The following CASK variants were observed in gnomAD, a reference collection of about 807,000 sequenced individuals.
The protein encoded by CASK is calcium/calmodulin dependent serine protein kinase.
Under a neutral mutation model 82.9 loss-of-function variants are expected in CASK, and 4 were observed. The observed-to-expected ratio is 0.05, with a 90% confidence interval of 0.02 to 0.11. CASK has a LOEUF of 0.11. Among genes scored for constraint, CASK ranks in the 10% least tolerant of loss-of-function variants. The pLI, the probability that CASK is intolerant of heterozygous loss-of-function variation, is 1.00. For missense variants in CASK, 358 were observed against 720.9 expected (o/e 0.50, Z 5.76); for synonymous variants, 259 against 253.5 (o/e 1.02, Z -0.20).
At chrX:41,612,123 C>T (rs1445725076) in intron 11 of CASK, among the ~76,000 whole-genome samples, 2 of 112,128 alleles carry the variant, frequency 1.8e-5, no homozygotes, top group African/African-American at 3.2e-5. Flanking sequence ...GCCGCCACCC[C>T]GTCTGGGAAG....
chrX:41,875,560 C>G (rs2071798485), intron 1 of CASK, among the ~76,000 whole-genome samples: 1 of 110,450 alleles, frequency 9.1e-6, no homozygotes, highest in Non-Finnish European at 1.9e-5. Context: ...ATGTTAAGAA[C>G]AATATAAAGG....
chrX:41,628,186 CATTT>C (rs1200150002), intron 9 of CASK, among the ~76,000 whole-genome samples: 2 of 112,335 alleles, frequency 1.8e-5, no homozygotes, highest in Non-Finnish European at 3.7e-5. Context: ...TAGAATCACT[CATTT>C]AGTTAGTTTA....
chrX:41,701,729 C>G (rs1028249796), intron 5 of CASK, among the ~76,000 whole-genome samples: 2 of 111,982 alleles, frequency 1.8e-5, no homozygotes, highest in African/African-American at 3.2e-5. Flanking sequence ...TTCGAAACTT[C>G]TATTTTTCCT....
At chrX:41,658,403 T>C (rs1291473818) in intron 8 of CASK, among the ~76,000 whole-genome samples, 1 of 111,601 alleles carries the variant, frequency 9.0e-6, no homozygotes, top group African/African-American at 3.3e-5. Flanking sequence ...TCTGATGCTA[T>C]CTCCAGGTAG....
intron 12 of CASK, among the ~76,000 whole-genome samples, chrX:41,597,389 G>A (rs1295742540): frequency 8.9e-6 from 1 of 112,556 alleles, no homozygotes; most frequent in Admixed American, 9.4e-5. Context: ...TACTGAAGAA[G>A]TTTCCTGCTG....
chrX:41,781,323 G>T (rs2069470269), intron 3 of CASK, among the ~76,000 whole-genome samples: 1 of 112,164 alleles, frequency 8.9e-6, no homozygotes, highest in African/African-American at 3.2e-5. Context: ...AAGAAAAAAA[G>T]GAGTGTTGGT....
intron 8 of CASK, 61 bp downstream of exon 8, chrX:41,660,378 A>C (rs2067013947): frequency 1.0e-6 from 1 of 988,457 alleles, no homozygotes; most frequent in Non-Finnish European, 1.4e-6. Context: ...AGAGCAACGC[A>C]TTCCTGTCAC....
At position 41,636,646 on chromosome X, in the gene CASK, C is replaced by A. The variant is rs1012863843; in HGVS notation, c.847G>T (p.Ala283Ser). 1 of 1,177,617 alleles carries A rather than the reference C, an allele frequency of 8.5e-7. No individual in the cohort carries two copies. The highest frequency in any genetic ancestry group is 1.8e-5 in the African/African-American group (1 of 57,085). ...HPWLKERDRYAYKIHLPETVE... is the reference protein window; with the variant it reads ...HPWLKERDRYSYKIHLPETVE... ...GTTTCTGGAAGATGAATCTTGTAGG[C>A]GTAACGATCCCGCTCCTATGTAAGA... is the stretch of plus-strand genomic sequence containing the variant. Residue 283 changes from alanine (A) to serine (S), a missense_variant, in exon 9 of 27, where the codon GCC (alanine) becomes TCC (serine). Coordinates refer to ENST00000378163, the MANE Select transcript of CASK (RefSeq NM_001367721.1).
intron 5 of CASK, among the ~76,000 whole-genome samples, chrX:41,733,810 T>A (rs1387152647): frequency 9.0e-6 from 1 of 111,491 alleles, no homozygotes; most frequent in East Asian, 2.8e-4. Flanking sequence ...TTTATGAGAA[T>A]TTAAATTTCT....
At chrX:41,565,125 G>C (rs930825759) in intron 16 of CASK, among the ~76,000 whole-genome samples, 1 of 111,875 alleles carries the variant, frequency 8.9e-6, no homozygotes, top group Non-Finnish European at 1.9e-5. Context: ...GCCCACAAGA[G>C]AAAGCAAGAA....
At chrX:41,874,220 G>A (rs955071738) in intron 1 of CASK, among the ~76,000 whole-genome samples, 8 of 111,416 alleles carry the variant, frequency 7.2e-5, no homozygotes, top group South Asian at 3.8e-4. Flanking sequence ...TGTGTAGGAC[G>A]TGCAGGTTAG....
chrX:41,654,045 T>A (rs1602415854), intron 8 of CASK, among the ~76,000 whole-genome samples: 1 of 112,064 alleles, frequency 8.9e-6, no homozygotes, highest in Non-Finnish European at 1.9e-5. Context: ...CTCATTTGGT[T>A]CCTATGCAGG....
chrX:41,870,077 A>G (rs2071678727), intron 1 of CASK, among the ~76,000 whole-genome samples: 1 of 110,042 alleles, frequency 9.1e-6, no homozygotes, highest in South Asian at 3.9e-4. Context: ...CTATGAGGAA[A>G]TGGCTGAGAA....
chrX:41,703,369 A>G (rs1438945106), intron 5 of CASK, among the ~76,000 whole-genome samples: 1 of 112,588 alleles, frequency 8.9e-6, no homozygotes, highest in Admixed American at 9.4e-5. Flanking sequence ...AAGTTGGTGT[A>G]TATCACTCTG....
In CASK at chrX:41,656,203, G is replaced by C. The variant is rs889049801; in HGVS notation, c.831+4236C>G. Among the ~76,000 whole-genome samples the C allele has an allele frequency of 2.4e-4, 27 of 111,773 alleles. No homozygotes were observed. In the Admixed American group the frequency reaches 2.5e-3, roughly 10 times the overall value. On this transcript the variant is annotated intron_variant, in intron 8 of 26. Coordinates refer to ENST00000378163, the MANE Select transcript of CASK (RefSeq NM_001367721.1). ...ACAGGTTTCTTTTGTATCATTTCAGGCACAAAATGCCAATAAGAACTGTTC... is the reference window on the plus strand; with the variant it reads ...ACAGGTTTCTTTTGTATCATTTCAGCCACAAAATGCCAATAAGAACTGTTC...
At chrX:41,778,404 T>C (rs1021502772) in intron 3 of CASK, among the ~76,000 whole-genome samples, 2 of 110,448 alleles carry the variant, frequency 1.8e-5, no homozygotes, top group Non-Finnish European at 3.8e-5. Flanking sequence ...CTAATTTTTG[T>C]ATTTTTAGTA....
rs764039292 is a variant in CASK at position 41,715,913 on chromosome X, T to A, written c.429+23471A>T. Among the ~76,000 whole-genome samples the A allele has an allele frequency of 6.2e-5, 7 of 112,474 alleles. No individual in the cohort carries two copies. In the East Asian group the frequency reaches 8.4e-4, roughly 14 times the overall value. ...TGAACAAGCTGGCAAGTGAGGCTGA[T>A]GCTGGTAGCCCTGGGAGGCCACAAA... is the stretch of plus-strand genomic sequence containing the variant. On this transcript the variant is annotated intron_variant, in intron 5 of 26. Transcript: ENST00000378163.
chrX:41,614,083 A>G (rs1002475658), intron 11 of CASK, among the ~76,000 whole-genome samples: 3 of 112,419 alleles, frequency 2.7e-5, no homozygotes, highest in Non-Finnish European at 5.6e-5. Flanking sequence ...CAATAGTAAC[A>G]TCTTGCAAAA....
intron 2 of CASK, among the ~76,000 whole-genome samples, chrX:41,834,816 A>C (rs776473122): frequency 8.9e-6 from 1 of 112,625 alleles, no homozygotes; most frequent in East Asian, 2.8e-4. Context: ...CAAACTTAAC[A>C]AAAGACACTT....
Sources: allele counts gnomAD v4.1 joint callset (sites outside exome capture counted in the v4.1 genomes callset), GRCh38; gene constraint gnomAD v4.1.1; transcripts MANE v1.5; gene names NCBI Gene and HGNC (gene_info 2026-07-23, HGNC 2026-07-21).